Variants in MLLT3 observed in about 807,000 individuals in gnomAD.
MLLT3 encodes protein AF-9.
A neutral mutation model predicts 53.2 loss-of-function variants in MLLT3; 4 were observed. That is an observed-to-expected ratio of 0.08 (90% confidence interval 0.04 to 0.17). The LOEUF (loss-of-function observed/expected upper bound fraction) is 0.17. Ranked by LOEUF, MLLT3 falls within the 10% of genes least tolerant of loss-of-function variation. The pLI is 1.00. For missense variants in MLLT3, 569 were observed against 684.0 expected, an observed-to-expected ratio of 0.83 and a Z score of 1.87; for synonymous variants, 283 against 230.6, an observed-to-expected ratio of 1.23 and a Z score of -2.06.
intron 4 of MLLT3, among the ~76,000 whole-genome samples, chr9:20,431,063 T>G (rs1823256557): frequency 1.3e-5 from 2 of 152,120 alleles, no homozygotes; most frequent in African/African-American, 4.8e-5. Flanking sequence ...TGAACAAGTC[T>G]GACAAGAAAA....
chr9:20,588,841 C>T (rs200724237), intron 2 of MLLT3, among the ~76,000 whole-genome samples: 8 of 152,028 alleles, frequency 5.3e-5, no homozygotes, highest in Non-Finnish European at 8.8e-5. Context: ...AAAATGCTCA[C>T]CATCACTGGC....
intron 10 of MLLT3, among the ~76,000 whole-genome samples, chr9:20,350,973 A>G (rs946685921): frequency 6.6e-6 from 1 of 152,204 alleles, no homozygotes; most frequent in African/African-American, 2.4e-5. Context: ...GAGTAGAGCC[A>G]GATCTGGGAT....
chr9:20,448,342 CTCA>C lies in MLLT3; in HGVS notation c.277-79_277-77del. The C allele has an allele frequency of 7.1e-7, 1 of 1,399,856 alleles. No individual in the cohort carries two copies. The highest frequency in any genetic ancestry group is 1.9e-5 in the Admixed American group (1 of 52,864). The allele number at this position is 1,399,856 out of a possible 1,614,324, so 86.7% of individuals were successfully genotyped here. A position where few individuals can be genotyped will look rare whatever the true frequency, so the allele number is the denominator to read the frequency against. On this transcript the variant is annotated intron_variant, in intron 3 of 10. Transcript: ENST00000380338. This position sits in a 1 kb window ranked among gnomAD's most constrained non-coding sequence, Gnocchi z 4.0. ...AAATTTTAAAAGCAAAAATTTACTC[CTCA>C]TAAGAAATAGAAAAGAACTAAGACA...
chr9:20,536,860 A>C (rs1220410986), intron 2 of MLLT3, among the ~76,000 whole-genome samples: 2 of 152,166 alleles, frequency 1.3e-5, no homozygotes, highest in Non-Finnish European at 2.9e-5. Flanking sequence ...GAAAAAAAAA[A>C]AAAAACTGCC....
intron 2 of MLLT3, among the ~76,000 whole-genome samples, chr9:20,604,672 G>A (rs988458083): frequency 1.3e-5 from 2 of 152,044 alleles, no homozygotes; most frequent in Admixed American, 1.3e-4. Context: ...TGAGGCCACT[G>A]GCAAAACCTA....
chr9:20,599,981 G>A (rs1820376240), intron 2 of MLLT3, among the ~76,000 whole-genome samples: 2 of 152,012 alleles, frequency 1.3e-5, no homozygotes, highest in South Asian at 4.2e-4. Context: ...AGTGAGTTCA[G>A]AAATTGCAAG....
intron 2 of MLLT3, among the ~76,000 whole-genome samples, chr9:20,534,532 C>T (rs1028149973): frequency 6.6e-6 from 1 of 152,194 alleles, no homozygotes; most frequent in Non-Finnish European, 1.5e-5. Flanking sequence ...CTTGGATGAA[C>T]AGAACACTGT....
intron 10 of MLLT3, among the ~76,000 whole-genome samples, 159 bp downstream of exon 10, chr9:20,353,366 C>T (rs1821084298): frequency 6.6e-6 from 1 of 152,224 alleles, no homozygotes; most frequent in Non-Finnish European, 1.5e-5. Context: ...TTCTAGGTGG[C>T]CTCAGAAATG....
chr9:20,618,178 A>G (rs908644136), intron 2 of MLLT3, among the ~76,000 whole-genome samples: 2 of 152,348 alleles, frequency 1.3e-5, no homozygotes, highest in South Asian at 2.1e-4. Context: ...TCACAAATTC[A>G]TATTTTCAGT....
chr9:20,563,086 C>T (rs1018028525), intron 2 of MLLT3, among the ~76,000 whole-genome samples: 1 of 152,110 alleles, frequency 6.6e-6, no homozygotes, highest in African/African-American at 2.4e-5. Flanking sequence ...CCTATCAGAG[C>T]TGTCAGACAT....
chr9:20,371,935 A>T (rs1286996319), intron 5 of MLLT3, among the ~76,000 whole-genome samples: 3 of 152,238 alleles, frequency 2.0e-5, no homozygotes, highest in Non-Finnish European at 4.4e-5. Context: ...CATGATTCAC[A>T]AGAGAAGATC....
chr9:20,525,126 T>TG (rs1231337703), intron 2 of MLLT3, among the ~76,000 whole-genome samples: 40 of 56,146 alleles, frequency 7.1e-4, no homozygotes, highest in African/African-American at 2.0e-3. Flanking sequence ...GAAGAAAGAC[T>TG]AAAAAAAAAA....
At chr9:20,594,090 A>G (rs1158681502) in intron 2 of MLLT3, among the ~76,000 whole-genome samples, 1 of 151,586 alleles carries the variant, frequency 6.6e-6, no homozygotes, top group Non-Finnish European at 1.5e-5. Context: ...ACAGACACCC[A>G]CCACCACACC....
chr9:20,510,690 G>C (rs1313898418), intron 2 of MLLT3, among the ~76,000 whole-genome samples: 1 of 151,540 alleles, frequency 6.6e-6, no homozygotes, highest in Non-Finnish European at 1.5e-5. Flanking sequence ...AGTACTATAA[G>C]GAAATGTACA....
intron 2 of MLLT3, among the ~76,000 whole-genome samples, chr9:20,588,432 C>A (rs1820037295): frequency 6.6e-6 from 1 of 151,964 alleles, no homozygotes; most frequent in Admixed American, 6.6e-5. Flanking sequence ...TTACCTTGGG[C>A]AGTATGGCCA....
In MLLT3 at chr9:20,353,531, C is replaced by G. The variant is rs767561374; in HGVS notation, c.1569G>C (p.Leu523=). The G allele has an allele frequency of 1.9e-6, 3 of 1,613,822 alleles. No homozygotes were observed. The highest frequency in any genetic ancestry group is 2.5e-6 in the Non-Finnish European group (3 of 1,179,678). ...GCTAAAAAGCATTTCTCACCTGCTG[C>G]AGAATGTGTCTTTCTCTCAATGTCA... ...RLMTLRERHI[L]QQIVNLIEET... is the part of the protein sequence containing the mutation. The change falls in exon 10 of 11, where the codon CTG becomes CTC. Residue 523 remains leucine (L), a synonymous_variant. Coordinates refer to ENST00000380338, the MANE Select transcript of MLLT3 (RefSeq NM_004529.4).
At position 20,621,938 on chromosome 9, in the gene MLLT3, CGA is replaced by C; in HGVS notation, c.12+305_12+306del. Reference sequence around the variant, plus strand: ...GTGTGTGTGAGTGCGCGCGTGTGAGCGAGAGGGAGTGTGTGAGTGCGCTTCTT... The same window carrying C: ...GTGTGTGTGAGTGCGCGCGTGTGAGCGAGGGAGTGTGTGAGTGCGCTTCTT... On this transcript the variant is annotated intron_variant, in intron 1 of 10. Coordinates refer to ENST00000380338, the MANE Select transcript of MLLT3 (RefSeq NM_004529.4). The surrounding 1 kb of genome is among the most constrained non-coding windows in gnomAD (Gnocchi z 7.0). 1.4e-6 allele frequency: 2 copies of C among 1,381,798 alleles called. No homozygotes were observed. Among genetic ancestry groups the C allele is most frequent in the Non-Finnish European group, 9.3e-7 (1 of 1,073,568 alleles). The allele number at this position is 1,381,798 out of a possible 1,614,324, so 85.6% of individuals were successfully genotyped here. A position where few individuals can be genotyped will look rare whatever the true frequency, so the allele number is the denominator to read the frequency against.
rs1191040090 is a variant in MLLT3, at chr9:20,620,982, G to C, written c.13-148C>G. On this transcript the variant is annotated intron_variant, in intron 1 of 10. Coordinates refer to ENST00000380338, the MANE Select transcript of MLLT3 (RefSeq NM_004529.4). The surrounding 1 kb of genome is among the most constrained non-coding windows in gnomAD (Gnocchi z 6.1). ...CTCTGCATCCACGTTTCACGCGCGT[G>C]GGCGCGCACACTCCACACCCCCAAA... 1 of 978,928 alleles carries C rather than the reference G, an allele frequency of 1.0e-6. No homozygotes were observed. Among genetic ancestry groups the C allele is most frequent in the African/African-American group, 1.6e-5 (1 of 62,178 alleles). The allele number at this position is 978,928 out of a possible 1,614,324, so 60.6% of individuals were successfully genotyped here.
chr9:20,515,008 G>A (rs948166956), intron 2 of MLLT3, among the ~76,000 whole-genome samples: 4 of 137,000 alleles, frequency 2.9e-5, no homozygotes, highest in Admixed American at 8.2e-5. Flanking sequence ...GTGCAGTGGC[G>A]TTATCTCGGC....
Sources: gnomAD v4.1 joint callset for allele counts (sites outside exome capture counted in the v4.1 genomes callset) on GRCh38, gnomAD v4.1.1 for gene constraint, Gnocchi (gnomAD v3.1) non-coding constraint, MANE v1.5 for transcripts, NCBI Gene and HGNC (gene_info 2026-07-23, HGNC 2026-07-21) for gene names.